The following UBXN11 variants were observed in gnomAD, a reference collection of about 807,000 sequenced individuals.
The protein encoded by UBXN11 is UBX domain protein 11, also known as UBX domain-containing protein 11.
Under a neutral mutation model 62.8 loss-of-function variants are expected in UBXN11, and 47 were observed. The ratio of observed to expected loss-of-function variants is 0.75; its 90% CI spans 0.59 to 0.95. UBXN11 has a LOEUF of 0.95. Ranked by LOEUF, UBXN11 falls within the 40% of genes least tolerant of loss-of-function variation. The pLI, the probability that UBXN11 is intolerant of heterozygous loss-of-function variation, is 0.00. For synonymous variants in UBXN11, 294 were observed against 267.0 expected (o/e 1.10, Z -0.99); for missense variants, 638 against 661.7 (o/e 0.96, Z 0.39).
chr1:26,296,638 G>C (rs1004330391), intron 7 of UBXN11, among the ~76,000 whole-genome samples: 33 of 152,326 alleles, frequency 2.2e-4, no homozygotes, highest in African/African-American at 7.0e-4. Context: ...CCACAGCGAG[G>C]ACTGTAGAAT....
At chr1:26,306,913 A>G (rs978197908), upstream of UBXN11, 7 of 147,096 alleles carry the variant, frequency 4.8e-5, no homozygotes, top group African/African-American at 1.5e-4. Flanking sequence ...TGGCAGCCTC[A>G]CATTCAGGAC....
At chr1:26,307,624 CTTTTT>C (rs58120340), upstream of UBXN11, among the ~76,000 whole-genome samples, 1 of 127,922 alleles carries the variant, frequency 7.8e-6, no homozygotes, top group Admixed American at 8.0e-5. Context: ...TTTTCTGTTG[CTTTTT>C]TTTTTTTTTT....
exon 1 of UBXN11, chr1:26,318,064 T>G: frequency 6.2e-7 from 1 of 1,614,100 alleles, no homozygotes; most frequent in Non-Finnish European, 8.5e-7. Flanking sequence ...CTCCTGGTTA[T>G]GGTACAGGTA....
At chr1:26,293,410 C>T (rs897243970) in intron 8 of UBXN11, among the ~76,000 whole-genome samples, 1 of 151,878 alleles carries the variant, frequency 6.6e-6, no homozygotes, top group African/African-American at 2.4e-5. Flanking sequence ...GGGAGGAATC[C>T]CTCTAGATAT....
intron 10 of UBXN11, 94 bp downstream of exon 10, chr1:26,285,370 G>C (rs760182135): frequency 6.4e-7 from 1 of 1,551,208 alleles, no homozygotes; most frequent in Non-Finnish European, 8.7e-7. Context: ...GGAGTGCAGC[G>C]GCTTCCCCTC....
chr1:26,291,507 A>C (rs1047514755), intron 8 of UBXN11, among the ~76,000 whole-genome samples: 5 of 152,212 alleles, frequency 3.3e-5, no homozygotes, highest in African/African-American at 7.2e-5. Context: ...CAGAGCACAA[A>C]CAACCAAACA....
At position 26,282,871 on chromosome 1, in the gene UBXN11, G is replaced by A. The variant is rs368771477; in HGVS notation, c.1144C>T (p.Arg382Ter). ...VVETPTLAAE[R>*]ERSQESPNTP... The stretch of plus-strand genomic sequence containing the variant: ...TCCTCATCCCGCCCTCACCTCTCTC[G>A]CTCAGCGGCCAAGGTGGGCGTCTCC... Residue 382 changes from arginine (R) to a stop codon, truncating the protein, a stop_gained, in exon 13 of 15, where the codon CGA (arginine) becomes TGA (stop). Transcript: ENST00000374222. LOFTEE classifies it high-confidence loss of function. 2.2e-5 allele frequency: 36 copies of A among 1,614,026 alleles called. No homozygotes were observed. The highest frequency in any genetic ancestry group is 3.3e-4 in the Middle Eastern group (2 of 6,082).
rs761748179 is a variant in UBXN11 at position 26,285,915 on chromosome 1, G to A, written c.682C>T (p.Arg228Cys). The A allele has an allele frequency of 9.9e-6, 16 of 1,613,558 alleles. No homozygotes were observed. Among genetic ancestry groups the A allele is most frequent in the African/African-American group, 9.3e-5 (7 of 74,910 alleles). ...TTCAGCGGGATGGGCTCGAGGGTAC[G>A]CAGCCGTGCCCCGCCGGGCACTGGT... ...VTPVPGGARL[R>C]TLEPIPLKLY... The change falls in exon 9 of 15, where the codon CGT (arginine) becomes TGT (cysteine). Residue 228 changes from arginine to cysteine, a missense_variant. Transcript: ENST00000374222.
intron 1 of UBXN11, among the ~76,000 whole-genome samples, chr1:26,312,016 A>G (rs1003790289): frequency 6.6e-6 from 1 of 152,036 alleles, no homozygotes; most frequent in African/African-American, 2.4e-5. Context: ...GAGCCCTCCT[A>G]TTTTGGGTTC....
chr1:26,285,700 G>T, intron 9 of UBXN11, 123 bp downstream of exon 9: 1 of 1,395,262 alleles, frequency 7.2e-7, no homozygotes, highest in Non-Finnish European at 9.6e-7. Flanking sequence ...TCTGCAAGTC[G>T]TGTGTGGGCC....
At chr1:26,314,686 C>T (rs1463825232) in intron 1 of UBXN11, among the ~76,000 whole-genome samples, 5 of 152,168 alleles carry the variant, frequency 3.3e-5, no homozygotes, top group African/African-American at 9.7e-5. Context: ...TTCTGTGCTT[C>T]GCTGAGTAAG....
Position 26,297,468 on chromosome 1 carries a change from G to T in UBXN11, c.314C>A (p.Ala105Glu). The part of the protein sequence containing the change: ...DEILSKDQKI[A>E]ALEDLVQTLR... The stretch of plus-strand genomic sequence containing the variant: ...GGTCTGCACCAGGTCCTCTAGGGCC[G>T]CTATCTTCTGATCCTGTAGCATAAG... Residue 105 changes from alanine (A) to glutamate (E), a missense_variant, in exon 6 of 15, where the codon GCG (alanine) becomes GAG (glutamate). Transcript: ENST00000374222. 1 of 1,555,534 alleles carries T rather than the reference G, an allele frequency of 6.4e-7. No individual in the cohort carries two copies.
chr1:26,307,678 C>A (rs1200812992), upstream of UBXN11, among the ~76,000 whole-genome samples: 1 of 144,516 alleles, frequency 6.9e-6, no homozygotes, highest in Non-Finnish European at 1.5e-5. Context: ...CTACCACATT[C>A]AGGGAAGGGT....
chr1:26,284,631 C>G, intron 10 of UBXN11, 149 bp from the exon 11 acceptor site: 2 of 1,395,894 alleles, frequency 1.4e-6, no homozygotes, highest in Non-Finnish European at 1.9e-6. Context: ...CTCAGGAGAG[C>G]CACGGTTCGT....
upstream of UBXN11, among the ~76,000 whole-genome samples, chr1:26,310,185 GA>G (rs1436153820): frequency 6.6e-6 from 1 of 152,126 alleles, no homozygotes; most frequent in African/African-American, 2.4e-5. Flanking sequence ...TGAATCACCT[GA>G]GATCAGGAGT....
At chr1:26,314,900 T>C (rs1570149890) in intron 1 of UBXN11, among the ~76,000 whole-genome samples, 1 of 152,232 alleles carries the variant, frequency 6.6e-6, no homozygotes, top group East Asian at 1.9e-4. Flanking sequence ...CTGGGCAACA[T>C]AGCAAAACTC....
rs1374412569 is a variant in UBXN11, at chr1:26,297,501, G to A, written c.301-20C>T. ...CTGATCCTGTAGCATAAGACACAGG[G>A]TGAGCACAGGGCCTGTGGTTCCCAG... On this transcript the variant is annotated intron_variant, in intron 5 of 14. Transcript: ENST00000374222. 5.2e-6 allele frequency: 8 copies of A among 1,544,654 alleles called. No homozygotes were observed. The highest frequency in any genetic ancestry group is 7.0e-6 in the Non-Finnish European group (8 of 1,144,414).
In UBXN11 at chr1:26,284,461, C is replaced by T. The variant is rs1377770199; in HGVS notation, c.874G>A (p.Val292Ile). The change falls in exon 11 of 15, where the codon GTC (valine) becomes ATC (isoleucine). Residue 292 changes from valine to isoleucine, a missense_variant. Transcript: ENST00000374222. ...GGGTCCAGTCCATCCTCCAGGTAGA[C>T]CTGATTGCGCAAGTCACTCACCTGG... ...PFKVSDLRNQ[V>I]YLEDGLDPFP... 1.2e-6 allele frequency: 2 copies of T among 1,606,682 alleles called. No homozygotes were observed. The highest frequency in any genetic ancestry group is 1.7e-6 in the Non-Finnish European group (2 of 1,174,960).
Position 26,284,982 on chromosome 1 carries a change from C to T in UBXN11, c.852+482G>A, listed in dbSNP as rs374162052. 318 of 1,002,272 alleles carry T rather than the reference C, an allele frequency of 3.2e-4. No individual in the cohort carries two copies. In the Middle Eastern group the frequency reaches 4.1e-3, roughly 13 times the overall value. 62.1% of individuals were successfully genotyped at this position (1,002,272 alleles called of 1,614,324 possible). ...GGACACGCCCTCAGTGCGGCACTAA[C>T]CCACCACCTTCTAGAACACGAAGCC... On this transcript the variant is annotated intron_variant, in intron 10 of 14. Transcript: ENST00000374222.
Sources: allele counts gnomAD v4.1 joint callset (sites outside exome capture counted in the v4.1 genomes callset), GRCh38; gene constraint gnomAD v4.1.1; transcripts MANE v1.5; gene names NCBI Gene and HGNC (gene_info 2026-07-23, HGNC 2026-07-21).